Variants in GRIA1 observed in about 807,000 individuals in gnomAD.
The protein encoded by GRIA1 is glutamate ionotropic receptor AMPA type subunit 1.
A neutral mutation model predicts 99.2 loss-of-function variants in GRIA1; 31 were observed. That is an observed-to-expected ratio of 0.31 (90% CI 0.23 to 0.42). The LOEUF is 0.42. Among genes scored for constraint, GRIA1 ranks in the 10% least tolerant of loss-of-function variants. GRIA1 has a pLI of 1.00. For missense variants in GRIA1, 782 were observed against 1,157.5 expected, an observed-to-expected ratio of 0.68 and a Z score of 4.71; for synonymous variants, 438 against 432.4, an observed-to-expected ratio of 1.01 and a Z score of -0.16.
chr5:153,698,801 A>T, intron 9 of GRIA1, 66 bp from the exon 10 acceptor site: 1 of 1,041,676 alleles, frequency 9.6e-7, no homozygotes, highest in Non-Finnish European at 1.5e-6. Context: ...ATGCTATGCC[A>T]AAGTCCTCCC....
chr5:153,668,232 C>A (rs537748611), intron 5 of GRIA1, among the ~76,000 whole-genome samples: 1 of 152,198 alleles, frequency 6.6e-6, no homozygotes, highest in Admixed American at 6.5e-5. Context: ...GCCACTATTC[C>A]CATCTCTGGG....
intron 2 of GRIA1, among the ~76,000 whole-genome samples, chr5:153,508,471 A>G (rs1755750300): frequency 6.6e-6 from 1 of 152,186 alleles, no homozygotes; most frequent in African/African-American, 2.4e-5. Flanking sequence ...CAGTAAGCAT[A>G]AAGGCTTTAA....
intron 2 of GRIA1, among the ~76,000 whole-genome samples, chr5:153,515,660 G>A (rs1419333925): frequency 6.6e-6 from 1 of 152,162 alleles, no homozygotes. Flanking sequence ...TTATGAATAC[G>A]TTAATTAGCC....
chr5:153,619,333 A>C (rs914708037), intron 2 of GRIA1, among the ~76,000 whole-genome samples: 1 of 152,106 alleles, frequency 6.6e-6, no homozygotes, highest in African/African-American at 2.4e-5. Context: ...AACATTTTGG[A>C]TATTTTATTT....
At chr5:153,495,030 C>T (rs1754274389) in intron 2 of GRIA1, among the ~76,000 whole-genome samples, 1 of 152,076 alleles carries the variant, frequency 6.6e-6, no homozygotes, top group Non-Finnish European at 1.5e-5. Flanking sequence ...TTCTCATAGT[C>T]CCACTGGTGA....
chr5:153,785,404 G>A (rs572219400), intron 13 of GRIA1, among the ~76,000 whole-genome samples: 38 of 152,154 alleles, frequency 2.5e-4, no homozygotes, highest in African/African-American at 8.7e-4. Context: ...CAGATATCAT[G>A]TATCAGTAAA....
chr5:153,717,556 A>C (rs1759754930), intron 11 of GRIA1, among the ~76,000 whole-genome samples: 1 of 152,136 alleles, frequency 6.6e-6, no homozygotes, highest in Non-Finnish European at 1.5e-5. Context: ...GAGTTCACCA[A>C]GTTTAATGAT....
chr5:153,591,528 TCTTGTATATGC>T (rs1484970333), intron 2 of GRIA1, among the ~76,000 whole-genome samples: 8 of 152,208 alleles, frequency 5.3e-5, no homozygotes, highest in Non-Finnish European at 1.2e-4. Flanking sequence ...TAATTATTTA[TCTTGTATATGC>T]CTTTTCACTC....
At chr5:153,594,597 A>G (rs997645133) in intron 2 of GRIA1, among the ~76,000 whole-genome samples, 2 of 151,068 alleles carry the variant, frequency 1.3e-5, no homozygotes, top group African/African-American at 4.9e-5. Flanking sequence ...ATTTTCATTC[A>G]TTTGCTTGTT....
intron 6 of GRIA1, among the ~76,000 whole-genome samples, chr5:153,674,944 G>A (rs1025988371): frequency 2.0e-5 from 3 of 152,040 alleles, no homozygotes; most frequent in Non-Finnish European, 2.9e-5. Flanking sequence ...AAATACCCAG[G>A]CTTCTTGTAC....
Position 153,763,129 on chromosome 5 carries a change from T to C in GRIA1, c.1824-1305T>C, listed in dbSNP as rs1306110162. Among the ~76,000 whole-genome samples the C allele has an allele frequency of 2.0e-5, 3 of 152,192 alleles. No individual in the cohort carries two copies. In the South Asian group the frequency reaches 6.2e-4, roughly 32 times the overall value. On this transcript the variant is annotated intron_variant, in intron 11 of 15. Transcript: ENST00000285900. Reference sequence around the variant, plus strand: ...CACATAGCAAGCAATGACATATATTTGTTGGATTTCTTGGAGTAAACCCTG... The same window carrying C: ...CACATAGCAAGCAATGACATATATTCGTTGGATTTCTTGGAGTAAACCCTG...
chr5:153,622,500 G>A (rs1767148925), intron 2 of GRIA1, among the ~76,000 whole-genome samples: 2 of 152,186 alleles, frequency 1.3e-5, no homozygotes, highest in South Asian at 2.1e-4. Flanking sequence ...TGTATCTCAA[G>A]GAATGCAGTT....
intron 6 of GRIA1, among the ~76,000 whole-genome samples, chr5:153,676,344 G>A (rs1756584170): frequency 6.6e-6 from 1 of 152,180 alleles, no homozygotes; most frequent in Non-Finnish European, 1.5e-5. Context: ...TTCCTGGACT[G>A]CTCTCCTGAT....
At chr5:153,595,757 T>C (rs1764377272) in intron 2 of GRIA1, among the ~76,000 whole-genome samples, 1 of 148,018 alleles carries the variant, frequency 6.8e-6, no homozygotes, top group Non-Finnish European at 1.5e-5. Flanking sequence ...AATATATATA[T>C]AATTAATATA....
chr5:153,785,989 G>C (rs1764942232), intron 13 of GRIA1, among the ~76,000 whole-genome samples: 1 of 152,150 alleles, frequency 6.6e-6, no homozygotes, highest in Non-Finnish European at 1.5e-5. Flanking sequence ...TGTGAGTCCT[G>C]CTTGCTTTGA....
chr5:153,599,118 G>A (rs778826), intron 2 of GRIA1, among the ~76,000 whole-genome samples: 114,828 of 151,866 alleles, frequency 0.76, 44,105 homozygotes, highest in East Asian at 0.92. Flanking sequence ...TCCTGACCTC[G>A]TGATCCACCC....
At chr5:153,672,026 G>A (rs887965538) in intron 5 of GRIA1, among the ~76,000 whole-genome samples, 4 of 152,146 alleles carry the variant, frequency 2.6e-5, no homozygotes, top group African/African-American at 9.7e-5. Flanking sequence ...AAGTACAAGG[G>A]GCTTCTTGGG....
chr5:153,665,887 G>A (rs1755708623), intron 5 of GRIA1, among the ~76,000 whole-genome samples: 1 of 152,126 alleles, frequency 6.6e-6, no homozygotes, highest in South Asian at 2.1e-4. Flanking sequence ...TAAAATGCCT[G>A]CAACCAGGAA....
intron 2 of GRIA1, among the ~76,000 whole-genome samples, chr5:153,513,189 A>T (rs912835344): frequency 1.3e-5 from 2 of 152,158 alleles, no homozygotes; most frequent in Non-Finnish European, 2.9e-5. Flanking sequence ...AAATGAAATG[A>T]TGGTCAATAG....
Sources: allele counts gnomAD v4.1 joint callset (sites outside exome capture counted in the v4.1 genomes callset), GRCh38; gene constraint gnomAD v4.1.1; transcripts MANE v1.5; gene names NCBI Gene and HGNC (gene_info 2026-07-23, HGNC 2026-07-21).